The following WDPCP variants were observed in gnomAD, a reference collection of about 807,000 sequenced individuals.
The protein encoded by WDPCP is WD repeat containing planar cell polarity effector.
WDPCP carries 71 observed loss-of-function variants against 93.1 expected under a neutral mutation model. The observed-to-expected ratio is 0.76, with a 90% CI of 0.63 to 0.93. The LOEUF (loss-of-function observed/expected upper bound fraction) is 0.93, where lower values mean the gene tolerates loss of function less well. Among genes scored for constraint, WDPCP ranks in the 40% least tolerant of loss-of-function variants. The pLI, the probability that WDPCP is intolerant of heterozygous loss-of-function variation, is 0.00. For synonymous variants in WDPCP, 315 were observed against 315.0 expected (o/e 1.00, Z 0.00); for missense variants, 844 against 887.4 (o/e 0.95, Z 0.62).
At chr2:63,295,411 C>A (rs1684766229) in intron 13 of WDPCP, among the ~76,000 whole-genome samples, 1 of 151,668 alleles carries the variant, frequency 6.6e-6, no homozygotes, top group African/African-American at 2.4e-5. Flanking sequence ...GAGCCAAAGA[C>A]TCTAATAGAT....
At position 63,675,919 on chromosome 2, in the gene WDPCP, C is replaced by G. The variant is rs114383401; in HGVS notation, n.309-25081G>C. Among the ~76,000 whole-genome samples, 978 of 152,194 alleles carry G rather than the reference C, an allele frequency of 6.4e-3. 5 individuals carry two copies. Among genetic ancestry groups the G allele is most frequent in the South Asian group, 0.014 (67 of 4,822 alleles). ...AGACAAATTTATGGTTTAGTTATACCAAATATTAAAACCTTATGATCAGAT... is the reference window on the plus strand; with the variant it reads ...AGACAAATTTATGGTTTAGTTATACGAAATATTAAAACCTTATGATCAGAT... On this transcript the variant is annotated intron_variant and non_coding_transcript_variant, in intron 2 of 4. Coordinates refer to the WDPCP transcript ENST00000467687.
chr2:63,812,010 G>A (rs542650568), intron 2 of WDPCP, among the ~76,000 whole-genome samples: 8 of 152,046 alleles, frequency 5.3e-5, no homozygotes, highest in South Asian at 2.1e-4. Context: ...AACTACAGGC[G>A]TATACCACCA....
At chr2:63,448,028 G>T (rs1460495721) in intron 6 of WDPCP, among the ~76,000 whole-genome samples, 5 of 151,786 alleles carry the variant, frequency 3.3e-5, no homozygotes, top group Admixed American at 3.3e-4. Flanking sequence ...TTAAAAGAGG[G>T]AATAAAGATC....
chr2:63,258,283 A>G (rs1681306492), intron 14 of WDPCP, among the ~76,000 whole-genome samples: 1 of 152,202 alleles, frequency 6.6e-6, no homozygotes, highest in South Asian at 2.1e-4. Context: ...AAAGTGGTCT[A>G]ATCAATCTGG....
chr2:63,573,796 G>A (rs1181463365), intron 1 of WDPCP, among the ~76,000 whole-genome samples: 3 of 152,138 alleles, frequency 2.0e-5, no homozygotes, highest in Admixed American at 1.3e-4. Flanking sequence ...GAGAAATACC[G>A]CTGAATTCTT....
intron 2 of WDPCP, among the ~76,000 whole-genome samples, chr2:63,691,143 T>C (rs1668882873): frequency 6.6e-6 from 1 of 152,236 alleles, no homozygotes; most frequent in South Asian, 2.1e-4. Context: ...ATCCAGCTTT[T>C]AGTCTCTATT....
rs1669531575 is a variant in WDPCP at position 63,121,313 on chromosome 2, T to C, written c.*693A>G. The C allele has an allele frequency of 6.6e-6, 1 of 151,938 alleles. No homozygotes were observed. The highest frequency in any genetic ancestry group is 2.4e-5 in the African/African-American group (1 of 41,382). 9.4% of individuals were successfully genotyped at this position (151,938 alleles called of 1,614,324 possible). On this transcript the variant is annotated 3_prime_UTR_variant, in exon 18 of 18. Transcript: ENST00000272321. ...GCTGAAAAATTTGCATAATAAATAC[T>C]GTATTTGTAATGTAAATTAATAATG...
chr2:63,742,230 A>AGAT (rs1669729159), intron 2 of WDPCP, among the ~76,000 whole-genome samples: 1 of 152,032 alleles, frequency 6.6e-6, no homozygotes, highest in South Asian at 2.1e-4. Context: ...GGAAAGAAAG[A>AGAT]AACAGGAAGA....
chr2:63,781,871 T>C (rs1670398226), intron 2 of WDPCP, among the ~76,000 whole-genome samples: 1 of 152,060 alleles, frequency 6.6e-6, no homozygotes, highest in Admixed American at 6.6e-5. Flanking sequence ...CAGCCACAGC[T>C]CTCTGGGCCA....
intron 2 of WDPCP, among the ~76,000 whole-genome samples, chr2:63,702,561 C>A (rs757051003): frequency 6.8e-6 from 1 of 147,692 alleles, no homozygotes; most frequent in African/African-American, 2.5e-5. Context: ...GTGTAGGGGG[C>A]GGAGTCTCAT....
At chr2:63,564,581 T>C (rs1253626032) in intron 1 of WDPCP, 10 of 152,342 alleles carry the variant, frequency 6.6e-5, no homozygotes, top group East Asian at 3.9e-4. Context: ...GCTAACCAGA[T>C]AGCACAATTA....
intron 2 of WDPCP, among the ~76,000 whole-genome samples, chr2:63,681,404 T>C (rs1222155438): frequency 6.6e-6 from 1 of 152,074 alleles, no homozygotes; most frequent in Non-Finnish European, 1.5e-5. Context: ...GGTAGTCTGG[T>C]AGTACTCCCC....
intron 13 of WDPCP, among the ~76,000 whole-genome samples, chr2:63,268,127 T>C (rs1466232145): frequency 2.0e-5 from 3 of 152,148 alleles, no homozygotes; most frequent in East Asian, 1.9e-4. Flanking sequence ...CAATGAGATA[T>C]TATATATATA....
At chr2:63,529,905 A>G (rs933241127) in intron 1 of WDPCP, among the ~76,000 whole-genome samples, 5 of 152,112 alleles carry the variant, frequency 3.3e-5, no homozygotes, top group African/African-American at 1.2e-4. Context: ...CAGGGATTCA[A>G]CTTCTTCCTG....
At chr2:63,401,847 G>A (rs948743695) in intron 10 of WDPCP, among the ~76,000 whole-genome samples, 3 of 152,108 alleles carry the variant, frequency 2.0e-5, no homozygotes, top group South Asian at 2.1e-4. Flanking sequence ...TGAGGCTGTG[G>A]AGAAATAGGA....
chr2:63,417,374 A>G (rs1186952323), intron 9 of WDPCP, among the ~76,000 whole-genome samples: 2 of 152,156 alleles, frequency 1.3e-5, no homozygotes, highest in African/African-American at 4.8e-5. Context: ...TCAATAAAAC[A>G]CTATTGATGG....
intron 14 of WDPCP, chr2:63,232,899 G>T (rs1211456100): frequency 2.1e-5 from 4 of 191,256 alleles, no homozygotes; most frequent in East Asian, 1.5e-4. Flanking sequence ...GGAATATGGA[G>T]GCTGGAGAGA....
intron 14 of WDPCP, among the ~76,000 whole-genome samples, chr2:63,186,871 G>A (rs1341156974): frequency 9.5e-5 from 14 of 147,832 alleles, no homozygotes; most frequent in South Asian, 4.3e-4. Flanking sequence ...CTGATCTGCC[G>A]CCTTGGGGGA....
rs1335266223 is a variant in WDPCP, at chr2:63,809,911, AAAATAAAT to A, written n.308+3703_308+3710del. On this transcript the variant is annotated intron_variant and non_coding_transcript_variant, in intron 2 of 4. Transcript: ENST00000467687. ...AGAAACACCCAAGAATGATCAATAA[AAAATAAAT>A]AAATAAATAAAATTAAATTAAAAAA... Among the ~76,000 whole-genome samples the A allele has an allele frequency of 2.6e-5, 4 of 151,720 alleles. No homozygotes were observed. In the East Asian group the frequency reaches 7.7e-4, roughly 29 times the overall value.
Sources: gnomAD v4.1 joint callset for allele counts (sites outside exome capture counted in the v4.1 genomes callset) on GRCh38, gnomAD v4.1.1 for gene constraint, MANE v1.5 for transcripts, NCBI Gene and HGNC (gene_info 2026-07-23, HGNC 2026-07-21) for gene names.